The following SAMD3 variants were observed in gnomAD, a reference collection of about 807,000 sequenced individuals.
The protein encoded by SAMD3 is sterile alpha motif domain containing 3.
In SAMD3, 63 loss-of-function variants were observed where a neutral mutation model predicts 58.5. The ratio of observed to expected loss-of-function variants is 1.08; its 90% CI spans 0.88 to 1.33. The LOEUF is 1.33. Among genes scored for constraint, SAMD3 ranks in the 40% most tolerant of loss-of-function variants. The pLI is 0.00. For synonymous variants in SAMD3, 220 were observed against 210.3 expected, an observed-to-expected ratio of 1.05 and a Z score of -0.40; for missense variants, 604 against 608.4, an observed-to-expected ratio of 0.99 and a Z score of 0.08.
chr6:130,172,806 A>G (rs1356866982), intron 8 of SAMD3, among the ~76,000 whole-genome samples: 1 of 152,176 alleles, frequency 6.6e-6, no homozygotes, highest in East Asian at 1.9e-4. Context: ...GTGTTTTCCA[A>G]CTTGGTTCCA....
chr6:130,260,507 T>C (rs190404693), intron 2 of SAMD3, among the ~76,000 whole-genome samples: 1 of 152,356 alleles, frequency 6.6e-6, no homozygotes, highest in Non-Finnish European at 1.5e-5. Flanking sequence ...CTTGGGGAGC[T>C]TGGCTCTTGA....
intron 1 of SAMD3, among the ~76,000 whole-genome samples, chr6:130,319,466 A>G (rs918235560): frequency 6.6e-6 from 1 of 152,182 alleles, no homozygotes; most frequent in Non-Finnish European, 1.5e-5. Context: ...AAAACAATGC[A>G]AACTAGACAA....
At chr6:130,298,746 G>A (rs771051856) in intron 2 of SAMD3, among the ~76,000 whole-genome samples, 1 of 152,054 alleles carries the variant, frequency 6.6e-6, no homozygotes, top group Non-Finnish European at 1.5e-5. Context: ...TATCTTATGT[G>A]TAAAAACATT....
intron 2 of SAMD3, among the ~76,000 whole-genome samples, chr6:130,291,899 C>T (rs12211753): frequency 0.28 from 42,311 of 151,792 alleles, 6,358 homozygotes; most frequent in East Asian, 0.45. Context: ...TCTTAATGTG[C>T]CTTTATATAT....
intron 2 of SAMD3, among the ~76,000 whole-genome samples, chr6:130,271,231 C>T (rs916303199): frequency 1.3e-5 from 2 of 152,078 alleles, no homozygotes; most frequent in African/African-American, 2.4e-5. Flanking sequence ...AACCCCTAAG[C>T]TCAAGCAATC....
chr6:130,240,412 G>C (rs992923780), intron 2 of SAMD3, among the ~76,000 whole-genome samples: 2 of 152,204 alleles, frequency 1.3e-5, no homozygotes, highest in Admixed American at 6.5e-5. Context: ...ATGTCAGAGA[G>C]ATGAGTAATC....
intron 8 of SAMD3, among the ~76,000 whole-genome samples, chr6:130,171,226 T>A (rs1030324654): frequency 6.6e-6 from 1 of 152,248 alleles, no homozygotes. Flanking sequence ...GTTCTGTTTA[T>A]GTAATGGATT....
intron 1 of SAMD3, among the ~76,000 whole-genome samples, chr6:130,349,473 T>C (rs1252626393): frequency 6.6e-6 from 1 of 152,056 alleles, no homozygotes; most frequent in African/African-American, 2.4e-5. Context: ...AACTAGACAA[T>C]CTAGAAGAAA....
chr6:130,149,803 A>T (rs138901842), intron 9 of SAMD3, among the ~76,000 whole-genome samples: 247 of 151,980 alleles, frequency 1.6e-3, no homozygotes, highest in African/African-American at 5.5e-3. Flanking sequence ...TGTACACCAA[A>T]CCCCCACGAC....
At chr6:130,267,703 G>T (rs889235137) in intron 2 of SAMD3, among the ~76,000 whole-genome samples, 8 of 152,172 alleles carry the variant, frequency 5.3e-5, no homozygotes. Flanking sequence ...AGCAAGTGAT[G>T]TTATCTACAG....
intron 6 of SAMD3, 80 bp from the exon 7 acceptor site, chr6:130,184,267 A>C: frequency 3.1e-6 from 4 of 1,274,660 alleles, no homozygotes; most frequent in Non-Finnish European, 4.4e-6. Context: ...AATTACACTC[A>C]TTTTTCTTCA....
intron 9 of SAMD3, 32 bp from the exon 10 acceptor site, chr6:130,146,213 G>C: frequency 4.2e-6 from 6 of 1,419,558 alleles, no homozygotes; most frequent in Non-Finnish European, 5.7e-6. Context: ...GGATACATCA[G>C]ATCACAAGAA....
intron 5 of SAMD3, among the ~76,000 whole-genome samples, chr6:130,206,450 C>T (rs1460048349): frequency 6.6e-6 from 1 of 152,236 alleles, no homozygotes; most frequent in East Asian, 1.9e-4. Flanking sequence ...GACCACTTCA[C>T]TCCCTGGCTT....
chr6:130,191,185 C>G (rs1305897977), intron 5 of SAMD3, among the ~76,000 whole-genome samples: 1 of 151,886 alleles, frequency 6.6e-6, no homozygotes, highest in Non-Finnish European at 1.5e-5. Flanking sequence ...TCTTCTACCC[C>G]CAACAATTAG....
chr6:130,144,257 C>G (rs1788413804), downstream of SAMD3: 1 of 440,934 alleles, frequency 2.3e-6, no homozygotes, highest in Admixed American at 4.1e-5. Flanking sequence ...ACTGAGGCAC[C>G]TCTGAAAATA....
At chr6:130,210,361 G>A (rs1363636064) in intron 4 of SAMD3, among the ~76,000 whole-genome samples, 1 of 152,196 alleles carries the variant, frequency 6.6e-6, no homozygotes, top group African/African-American at 2.4e-5. Flanking sequence ...CATTTTGGGA[G>A]GCTGAGGCAG....
intron 2 of SAMD3, among the ~76,000 whole-genome samples, chr6:130,241,727 A>C (rs1412018342): frequency 1.3e-5 from 2 of 152,142 alleles, no homozygotes; most frequent in African/African-American, 4.8e-5. Flanking sequence ...AAAGACCCAA[A>C]AGGAGAGTGT....
In SAMD3 at chr6:130,154,933, A is replaced by G; in HGVS notation, c.915T>C (p.Ile305=). The part of the protein sequence containing the change: ...YVKTEKDWRE[I]DKRMSQTLEI... ...CCAAAGTTTGGCTCATTCTCTTGTC[A>G]ATTTCTCTCCAGTCCTTTTCTGTTT... Residue 305 remains isoleucine (I), a synonymous_variant, in exon 9 of 12, where the codon ATT becomes ATC. Coordinates refer to ENST00000439090, the MANE Select transcript of SAMD3 (RefSeq NM_001017373.4). The G allele has an allele frequency of 1.2e-6, 2 of 1,613,380 alleles. No individual in the cohort carries two copies. The highest frequency in any genetic ancestry group is 8.5e-7 in the Non-Finnish European group (1 of 1,179,716).
intron 1 of SAMD3, among the ~76,000 whole-genome samples, chr6:130,360,771 C>G (rs1366095823): frequency 1.3e-5 from 2 of 152,126 alleles, no homozygotes; most frequent in East Asian, 3.8e-4. Context: ...TTTATTTCAT[C>G]CCTACAGTTT....
Sources: allele counts gnomAD v4.1 joint callset (sites outside exome capture counted in the v4.1 genomes callset), GRCh38; gene constraint gnomAD v4.1.1; transcripts MANE v1.5; gene names NCBI Gene and HGNC (gene_info 2026-07-23, HGNC 2026-07-21).